Variants in VWA3B observed in about 807,000 individuals in gnomAD.
VWA3B encodes the protein von Willebrand factor A domain-containing protein 3B.
A neutral mutation model predicts 158.3 loss-of-function variants in VWA3B; 138 were observed. The observed-to-expected ratio is 0.87, with a 90% CI of 0.76 to 1.00. The LOEUF (loss-of-function observed/expected upper bound fraction) is 1.00, where lower values mean the gene tolerates loss of function less well. Among genes scored for constraint, VWA3B ranks in the 50% least tolerant of loss-of-function variants. The probability of loss-of-function intolerance (pLI) is 0.00; values close to 1 mark genes in which losing one functional copy is unlikely to be tolerated. For missense variants in VWA3B, 1,555 were observed against 1,565.1 expected, an observed-to-expected ratio of 0.99 and a Z score of 0.11; for synonymous variants, 596 against 587.3, an observed-to-expected ratio of 1.01 and a Z score of -0.21.
rs779383185 is a variant in VWA3B at position 98,230,144 on chromosome 2, A to G, written c.2245A>G (p.Met749Val). The G allele has an allele frequency of 5.6e-6, 9 of 1,611,686 alleles. No homozygotes were observed. The highest frequency in any genetic ancestry group is 6.8e-6 in the Non-Finnish European group (8 of 1,179,484). ...TTCAACACAAACTTCATCTCTGAAT[A>G]TGTTGAAGGGACCATGGGGCCTTTC... ...VDSTQTSSLN[M>V]LKGPWGLSDQ... Residue 749 changes from methionine (M) to valine (V), a missense_variant, in exon 16 of 28, where the codon ATG becomes GTG. Coordinates refer to ENST00000477737, the MANE Select transcript of VWA3B (RefSeq NM_144992.5).
intron 12 of VWA3B, among the ~76,000 whole-genome samples, chr2:98,209,992 T>C (rs564221492): frequency 2.0e-5 from 3 of 152,172 alleles, no homozygotes; most frequent in Non-Finnish European, 4.4e-5. Context: ...TGGTGCTGTC[T>C]GCAGGGGTGG....
At chr2:98,171,681 G>GA (rs915187106) in intron 8 of VWA3B, among the ~76,000 whole-genome samples, 8 of 148,094 alleles carry the variant, frequency 5.4e-5, no homozygotes, top group South Asian at 2.2e-4. Context: ...TTTACATTTA[G>GA]AAAAAAAAAA....
intron 20 of VWA3B, among the ~76,000 whole-genome samples, chr2:98,251,595 T>C (rs1686805068): frequency 6.6e-6 from 1 of 152,168 alleles, no homozygotes; most frequent in Admixed American, 6.5e-5. Flanking sequence ...CTGGGAACTG[T>C]GCAGTTGAGT....
intron 22 of VWA3B, among the ~76,000 whole-genome samples, chr2:98,287,693 A>T (rs1044693187): frequency 5.3e-5 from 8 of 152,220 alleles, no homozygotes; most frequent in Non-Finnish European, 1.0e-4. Flanking sequence ...ATTTGGAAAT[A>T]ACAAAACAAT....
At chr2:98,306,968 T>A (rs1351559588) in intron 26 of VWA3B, among the ~76,000 whole-genome samples, 1 of 152,210 alleles carries the variant, frequency 6.6e-6, no homozygotes, top group Non-Finnish European at 1.5e-5. Flanking sequence ...CTGTCTCTGT[T>A]TCTATAATAA....
At chr2:98,287,915 T>C (rs1270476451) in intron 22 of VWA3B, among the ~76,000 whole-genome samples, 2 of 152,220 alleles carry the variant, frequency 1.3e-5, no homozygotes, top group Non-Finnish European at 2.9e-5. Context: ...ATTCTATCAT[T>C]TCTGCTACTG....
At chr2:98,166,799 T>TCCACACACACACACACAC (rs1679109324) in intron 8 of VWA3B, among the ~76,000 whole-genome samples, 1 of 145,826 alleles carries the variant, frequency 6.9e-6, no homozygotes, top group African/African-American at 2.6e-5. Flanking sequence ...TTTAATCTAA[T>TCCACACACACACACACAC]ACACACACAC....
At chr2:98,121,523 C>CA in intron 5 of VWA3B, 65 bp downstream of exon 5, 1 of 1,577,248 alleles carries the variant, frequency 6.3e-7, no homozygotes, top group East Asian at 2.3e-5. Context: ...TCTTCACACT[C>CA]AGTGACTTTA....
intron 19 of VWA3B, among the ~76,000 whole-genome samples, chr2:98,237,554 G>A (rs1685786067): frequency 6.6e-6 from 1 of 152,128 alleles, no homozygotes; most frequent in Non-Finnish European, 1.5e-5. Flanking sequence ...TGTGGAGGAA[G>A]GCCAAGGAAG....
intron 19 of VWA3B, among the ~76,000 whole-genome samples, chr2:98,248,291 A>G (rs1686529743): frequency 6.6e-6 from 1 of 152,100 alleles, no homozygotes; most frequent in South Asian, 2.1e-4. Flanking sequence ...TCTGATTGTT[A>G]ATTTGCTCAG....
chr2:98,309,516 C>G (rs1022582512), intron 26 of VWA3B, among the ~76,000 whole-genome samples: 5 of 152,170 alleles, frequency 3.3e-5, no homozygotes, highest in African/African-American at 1.2e-4. Context: ...ATATTAGCCT[C>G]TCATTATCTG....
intron 8 of VWA3B, among the ~76,000 whole-genome samples, chr2:98,168,440 A>T (rs926547991): frequency 6.6e-6 from 1 of 151,994 alleles, no homozygotes; most frequent in African/African-American, 2.4e-5. Flanking sequence ...CTAAGCAGAA[A>T]TTTTCAAAAA....
rs891866207 is a variant in VWA3B, at chr2:98,087,308, T to A, written c.-88T>A. 6.6e-6 allele frequency: 1 copy of A among 152,096 alleles called. No homozygotes were observed. The highest frequency in any genetic ancestry group is 2.4e-5 in the African/African-American group (1 of 41,420). The allele number at this position is 152,096 out of a possible 1,614,324, so 9.4% of individuals were successfully genotyped here. A position where few individuals can be genotyped will look rare whatever the true frequency, so the allele number is the denominator to read the frequency against. On this transcript the variant is annotated 5_prime_UTR_variant, in exon 1 of 28. An upstream start codon of the reference 5' UTR is lost. Transcript: ENST00000477737. ...CTCGGGTCAGGCGGGCCCGGGAGGA[T>A]GGGAGGGTGGCTGCTGAGCGGGAGC...
chr2:98,320,842 C>T, the VWA3B span, among the ~76,000 whole-genome samples: 1 of 152,192 alleles, frequency 6.6e-6, no homozygotes, highest in African/African-American at 2.4e-5. Context: ...GGAGAAATTC[C>T]AGCCAACTGC....
intron 10 of VWA3B, among the ~76,000 whole-genome samples, chr2:98,189,591 T>C (rs1267474909): frequency 1.3e-5 from 2 of 152,176 alleles, no homozygotes; most frequent in Non-Finnish European, 2.9e-5. Flanking sequence ...TTAGCTCAAG[T>C]TGGTTGAGAG....
chr2:98,300,335 C>T, intron 25 of VWA3B, 119 bp downstream of exon 25: 2 of 1,444,766 alleles, frequency 1.4e-6, no homozygotes, highest in South Asian at 1.3e-5. Flanking sequence ...CTGCTCTCCA[C>T]TCCCTGTGTT....
chr2:98,190,287 T>G (rs577794252), intron 10 of VWA3B, among the ~76,000 whole-genome samples: 113 of 152,332 alleles, frequency 7.4e-4, no homozygotes, highest in African/African-American at 2.4e-3. Flanking sequence ...TATCACTTCA[T>G]GTATATTACA....
At chr2:98,126,141 A>G (rs1435300768) in intron 5 of VWA3B, among the ~76,000 whole-genome samples, 2 of 152,224 alleles carry the variant, frequency 1.3e-5, no homozygotes, top group Non-Finnish European at 2.9e-5. Context: ...AATGAACTTA[A>G]TGAATAGTGA....
chr2:98,146,668 G>A (rs1573903383), intron 7 of VWA3B, among the ~76,000 whole-genome samples: 1 of 152,118 alleles, frequency 6.6e-6, no homozygotes, highest in East Asian at 1.9e-4. Context: ...GCTTTCTTCT[G>A]CATTGCTTCT....
Sources: allele counts gnomAD v4.1 joint callset (sites outside exome capture counted in the v4.1 genomes callset), GRCh38; gene constraint gnomAD v4.1.1; transcripts MANE v1.5; gene names NCBI Gene and HGNC (gene_info 2026-07-23, HGNC 2026-07-21).